The following CPS1 variants were observed in gnomAD, a reference collection of about 807,000 sequenced individuals.
CPS1 encodes the protein carbamoyl-phosphate synthase [ammonia], mitochondrial.
CPS1 carries 109 observed loss-of-function variants against 174.6 expected under a neutral mutation model. The ratio of observed to expected loss-of-function variants is 0.62; its 90% CI spans 0.53 to 0.73. CPS1 has a LOEUF of 0.73. CPS1 is among the 30% of genes least tolerant of loss of function. The pLI is 0.00. For missense variants in CPS1, 1,689 were observed against 1,821.9 expected (o/e 0.93, Z 1.33); for synonymous variants, 637 against 632.0 (o/e 1.01, Z -0.12).
intron 11 of CPS1, 45 bp downstream of exon 11, chr2:210,593,001 G>T (rs1698362600): frequency 1.3e-6 from 2 of 1,510,408 alleles, no homozygotes; most frequent in South Asian, 2.2e-5. Context: ...AAAAAAAAAT[G>T]TATTTGTGTG....
chr2:210,480,806 A>T (rs987947846), intron 1 of CPS1, among the ~76,000 whole-genome samples: 1 of 152,198 alleles, frequency 6.6e-6, no homozygotes, highest in Non-Finnish European at 1.5e-5. Context: ...AAGCAAGAGC[A>T]TCTAAGCTTG....
Position 210,600,542 on chromosome 2 carries a change from G to T in CPS1, c.1550-13G>T, listed in dbSNP as rs749366885. On this transcript the variant is annotated splice_polypyrimidine_tract_variant and intron_variant, in intron 14 of 37. Transcript: ENST00000233072. Reference sequence around the variant, plus strand: ...AAGATTTTAAAAACTAATCCTATTTGGTTCTTCTTTAGGAGTGGAACTATT... The same window carrying T: ...AAGATTTTAAAAACTAATCCTATTTTGTTCTTCTTTAGGAGTGGAACTATT... The T allele has an allele frequency of 1.9e-6, 3 of 1,611,012 alleles. No homozygotes were observed. In the South Asian group the frequency reaches 3.3e-5, roughly 18 times the overall value.
rs1352230512 is a variant in CPS1, at chr2:210,678,291, G to T, written c.*306G>T. Reference sequence around the variant, plus strand: ...ACTTTTTATGGTGCTGATTAATGGTGATCAAGGTAGGAAAAGTTGCTGTTC... The same window carrying T: ...ACTTTTTATGGTGCTGATTAATGGTTATCAAGGTAGGAAAAGTTGCTGTTC... On this transcript the variant is annotated 3_prime_UTR_variant, in exon 38 of 38. Coordinates refer to ENST00000233072, the MANE Select transcript of CPS1 (RefSeq NM_001875.5). 1 of 403,946 alleles carries T rather than the reference G, an allele frequency of 2.5e-6. No individual in the cohort carries two copies. Among genetic ancestry groups the T allele is most frequent in the Admixed American group, 3.8e-5 (1 of 26,194 alleles). The allele number at this position is 403,946 out of a possible 1,614,324, so 25.0% of individuals were successfully genotyped here. A position where few individuals can be genotyped will look rare whatever the true frequency, so the allele number is the denominator to read the frequency against.
At chr2:210,570,308 G>A (rs961348403) in intron 1 of CPS1, among the ~76,000 whole-genome samples, 3 of 151,862 alleles carry the variant, frequency 2.0e-5, no homozygotes, top group Non-Finnish European at 2.9e-5. Context: ...ACTATTTCAC[G>A]CAATAGCAAA....
chr2:210,586,672 G>A (rs1373688465), intron 6 of CPS1, among the ~76,000 whole-genome samples: 1 of 152,056 alleles, frequency 6.6e-6, no homozygotes, highest in Admixed American at 6.6e-5. Context: ...TATTTAATGT[G>A]TTTGTGTAGA....
intron 10 of CPS1, 98 bp from the exon 11 acceptor site, chr2:210,592,781 T>C: frequency 8.2e-7 from 1 of 1,225,480 alleles, no homozygotes; most frequent in East Asian, 2.3e-5. Flanking sequence ...TCTAACTCAG[T>C]TTTTAAATTT....
chr2:210,594,652 C>T (rs546521004), intron 12 of CPS1, 46 bp downstream of exon 12: 1 of 1,364,244 alleles, frequency 7.3e-7, no homozygotes, highest in Admixed American at 1.7e-5. Context: ...TGGATTGTCC[C>T]TATCACATGA....
intron 1 of CPS1, among the ~76,000 whole-genome samples, chr2:210,521,940 T>A (rs6752042): frequency 0.061 from 9,218 of 152,020 alleles, 394 homozygotes; most frequent in Non-Finnish European, 0.092. Context: ...GCTAATTACT[T>A]GGTAACAGTT....
intron 22 of CPS1, among the ~76,000 whole-genome samples, chr2:210,638,869 T>C (rs987233672): frequency 1.3e-5 from 2 of 152,200 alleles, no homozygotes; most frequent in South Asian, 2.1e-4. Flanking sequence ...GTCTTCCTAG[T>C]AACCAGTTGA....
At position 210,648,691 on chromosome 2, in the gene CPS1, A is replaced by G. The variant is rs116516331; in HGVS notation, c.3404+151A>G. The G allele has an allele frequency of 2.9e-3, 2,143 of 728,320 alleles. 32 individuals carry two copies. In the African/African-American group the frequency reaches 0.03, roughly 10 times the overall value. 45.1% of individuals were successfully genotyped at this position (728,320 alleles called of 1,614,324 possible). ...ACCATCACAGCCAGTTTAAGGACCA[A>G]TGTGTGGTCTTCTAGTTTAATGCTT... On this transcript the variant is annotated intron_variant, in intron 27 of 37. Transcript: ENST00000233072.
chr2:210,567,545 G>A (rs1697341833), intron 1 of CPS1, among the ~76,000 whole-genome samples: 1 of 152,122 alleles, frequency 6.6e-6, no homozygotes, highest in Admixed American at 6.6e-5. Context: ...GAATGTTTGG[G>A]TTATATATAC....
chr2:210,577,130 G>A (rs1233577404), intron 3 of CPS1: 1 of 430,000 alleles, frequency 2.3e-6, no homozygotes, highest in African/African-American at 2.0e-5. Context: ...CATTAAGCCA[G>A]TAATTATTAA....
At chr2:210,559,472 A>G (rs185390968) in intron 1 of CPS1, among the ~76,000 whole-genome samples, 3 of 152,250 alleles carry the variant, frequency 2.0e-5, no homozygotes, top group Admixed American at 6.5e-5. Context: ...TGCTTTGCCA[A>G]TCGGCACAGT....
intron 1 of CPS1, among the ~76,000 whole-genome samples, chr2:210,492,645 A>G (rs1465153646): frequency 5.9e-5 from 9 of 152,088 alleles, no homozygotes; most frequent in Non-Finnish European, 1.3e-4. Context: ...CAGGATATGT[A>G]GTAAGAGTGC....
chr2:210,618,222 C>A (rs1381183676), intron 21 of CPS1: 2 of 151,938 alleles, frequency 1.3e-5, no homozygotes, highest in African/African-American at 4.8e-5. Flanking sequence ...CATTTATTTG[C>A]CGACAATTTG....
chr2:210,674,249 G>T (rs992272997), intron 34 of CPS1: 3 of 152,130 alleles, frequency 2.0e-5, no homozygotes, highest in Non-Finnish European at 4.4e-5. Flanking sequence ...CGAGGTGGGT[G>T]GATCACCTGA....
chr2:210,672,101 T>C (rs2105938131), intron 34 of CPS1: 1 of 152,276 alleles, frequency 6.6e-6, no homozygotes, highest in East Asian at 1.9e-4. Flanking sequence ...CCTGATTCAA[T>C]AGATCTGGGG....
intron 1 of CPS1, among the ~76,000 whole-genome samples, chr2:210,530,702 T>C (rs1458796495): frequency 6.6e-6 from 1 of 152,078 alleles, no homozygotes; most frequent in Admixed American, 6.6e-5. Context: ...AGAAACTTAC[T>C]GCAGCATCGT....
intron 37 of CPS1, 98 bp downstream of exon 37, chr2:210,677,234 T>C: frequency 1.1e-5 from 13 of 1,224,368 alleles, no homozygotes; most frequent in Non-Finnish European, 1.6e-5. Context: ...TTTTCCCCTC[T>C]TTGTAACTTT....
Sources: allele counts gnomAD v4.1 joint callset (sites outside exome capture counted in the v4.1 genomes callset), GRCh38; gene constraint gnomAD v4.1.1; transcripts MANE v1.5; gene names NCBI Gene and HGNC (gene_info 2026-07-23, HGNC 2026-07-21).